The following AKAP13 variants were observed in gnomAD, a reference collection of about 807,000 sequenced individuals.
The protein encoded by AKAP13 is A-kinase anchoring protein 13.
A neutral mutation model predicts 264.5 loss-of-function variants in AKAP13; 80 were observed. That is an observed-to-expected ratio of 0.30 (90% CI 0.25 to 0.36). The LOEUF (loss-of-function observed/expected upper bound fraction) is 0.36, where lower values mean the gene tolerates loss of function less well. Ranked by LOEUF, AKAP13 falls within the 10% of genes least tolerant of loss-of-function variation. AKAP13 has a pLI of 1.00. For synonymous variants in AKAP13, 1,380 were observed against 1,250.2 expected, an observed-to-expected ratio of 1.10 and a Z score of -2.19; for missense variants, 3,712 against 3,435.2, an observed-to-expected ratio of 1.08 and a Z score of -2.01.
chr15:85,599,309 A>G (rs2079952659), intron 8 of AKAP13, among the ~76,000 whole-genome samples: 1 of 152,244 alleles, frequency 6.6e-6, no homozygotes, highest in Non-Finnish European at 1.5e-5. Context: ...ATTAGCATAT[A>G]ATATAATGTG....
chr15:85,533,508 G>A (rs2077304138), intron 3 of AKAP13, 76 bp from the exon 4 acceptor site: 2 of 1,421,410 alleles, frequency 1.4e-6, no homozygotes, highest in Non-Finnish European at 1.9e-6. Flanking sequence ...TGAAATAAGA[G>A]CTAAGAGGAT....
intron 1 of AKAP13, among the ~76,000 whole-genome samples, chr15:85,416,173 G>A (rs2150885203): frequency 6.6e-6 from 1 of 152,314 alleles, no homozygotes; most frequent in South Asian, 2.1e-4. Context: ...ATTGTACTAT[G>A]TATTTGCATA....
At chr15:85,391,687 G>C (rs2070864722) in intron 1 of AKAP13, among the ~76,000 whole-genome samples, 1 of 151,906 alleles carries the variant, frequency 6.6e-6, no homozygotes, top group Non-Finnish European at 1.5e-5. Flanking sequence ...GTTTTGCCAG[G>C]TTGTCCAGGC....
chr15:85,608,877 T>C (rs1028682910), intron 8 of AKAP13, among the ~76,000 whole-genome samples: 1 of 152,226 alleles, frequency 6.6e-6, no homozygotes, highest in Non-Finnish European at 1.5e-5. Context: ...GTACTGCCTT[T>C]CTGAATGACA....
chr15:85,454,442 C>T (rs1420796038), intron 1 of AKAP13, among the ~76,000 whole-genome samples: 1 of 152,120 alleles, frequency 6.6e-6, no homozygotes, highest in African/African-American at 2.4e-5. Context: ...CTCCGTGTTG[C>T]TCCCAGGTGC....
intron 16 of AKAP13, among the ~76,000 whole-genome samples, chr15:85,689,659 G>C (rs916520969): frequency 6.6e-6 from 1 of 152,206 alleles, no homozygotes; most frequent in Non-Finnish European, 1.5e-5. Context: ...TACAAAATGA[G>C]GAGTCTATTT....
chr15:85,399,543 T>TAAATAAAA (rs1163010352), intron 1 of AKAP13, among the ~76,000 whole-genome samples: 3 of 123,144 alleles, frequency 2.4e-5, no homozygotes, highest in African/African-American at 9.8e-5. Flanking sequence ...AAAAAATAAA[T>TAAATAAAA]AAATAAATAA....
At chr15:85,451,908 G>A (rs1276391005) in intron 1 of AKAP13, among the ~76,000 whole-genome samples, 1 of 152,146 alleles carries the variant, frequency 6.6e-6, no homozygotes, top group African/African-American at 2.4e-5. Context: ...TTGACTGTTG[G>A]CCTCTCTAGC....
intron 2 of AKAP13, among the ~76,000 whole-genome samples, chr15:85,494,771 C>T (rs1201680784): frequency 1.3e-5 from 2 of 152,122 alleles, no homozygotes; most frequent in African/African-American, 4.8e-5. Flanking sequence ...ATCTGGTGTA[C>T]AGGAGGCAGG....
At chr15:85,725,941 A>G (rs1207712743) in intron 26 of AKAP13, among the ~76,000 whole-genome samples, 3 of 152,174 alleles carry the variant, frequency 2.0e-5, no homozygotes, top group Admixed American at 1.3e-4. Context: ...AGATATTTCT[A>G]TACTTCATCT....
chr15:85,483,094 C>CT (rs1473362170), intron 1 of AKAP13, among the ~76,000 whole-genome samples: 2 of 152,224 alleles, frequency 1.3e-5, no homozygotes, highest in Non-Finnish European at 2.9e-5. Context: ...TTAGAGCCCT[C>CT]TAAGTTTGCT....
chr15:85,643,646 C>T (rs1055317801), intron 9 of AKAP13, among the ~76,000 whole-genome samples: 1 of 152,100 alleles, frequency 6.6e-6, no homozygotes, highest in African/African-American at 2.4e-5. Flanking sequence ...GTTCCAAAAC[C>T]CTTCTGGTAA....
intron 1 of AKAP13, among the ~76,000 whole-genome samples, chr15:85,392,049 C>T (rs560247841): frequency 1.3e-5 from 2 of 152,170 alleles, no homozygotes; most frequent in South Asian, 4.1e-4. Flanking sequence ...TCCCAAAGTG[C>T]TGGGATTACA....
At chr15:85,679,969 ATAACT>A (rs1265537366) in intron 14 of AKAP13, among the ~76,000 whole-genome samples, 3 of 152,246 alleles carry the variant, frequency 2.0e-5, no homozygotes, top group Non-Finnish European at 2.9e-5. Context: ...AAAGGTCATC[ATAACT>A]TAACTAAAAT....
intron 10 of AKAP13, among the ~76,000 whole-genome samples, chr15:85,653,603 A>G (rs2082966089): frequency 6.6e-6 from 1 of 152,228 alleles, no homozygotes; most frequent in Admixed American, 6.5e-5. Flanking sequence ...CTTATAGTAT[A>G]GAGATATAGA....
In AKAP13 at chr15:85,719,296, C is replaced by T; in HGVS notation, c.6222C>T (p.Ile2074=). 6.2e-7 allele frequency: 1 copy of T among 1,614,116 alleles called. No individual in the cohort carries two copies. The highest frequency in any genetic ancestry group is 1.7e-5 in the Admixed American group (1 of 60,014). Residue 2074 remains isoleucine, a synonymous_variant, in exon 23 of 37, where the codon ATC becomes ATT. Transcript: ENST00000394518. ...ATAAAAGTGAAAAGAACTTTCTCAT[C>T]AAGAGGATAGGGGATGTGCTTGTAA... is the stretch of plus-strand genomic sequence containing the variant. ...LVDKSEKNFL[I]KRIGDVLVNQ... is the part of the protein sequence containing the mutation.
At chr15:85,439,580 A>G (rs1478128306) in intron 1 of AKAP13, among the ~76,000 whole-genome samples, 7 of 145,496 alleles carry the variant, frequency 4.8e-5, no homozygotes, top group South Asian at 2.3e-4. Flanking sequence ...CAAATGTCCA[A>G]CAATGATAGA....
intron 1 of AKAP13, among the ~76,000 whole-genome samples, chr15:85,444,909 G>T (rs2073847410): frequency 6.6e-6 from 1 of 152,124 alleles, no homozygotes; most frequent in South Asian, 2.1e-4. Context: ...AATCATCATA[G>T]CTGTTTTGAA....
At position 85,719,279 on chromosome 15, in the gene AKAP13, G is replaced by C; in HGVS notation, c.6205G>C (p.Glu2069Gln). 1 of 1,614,142 alleles carries C rather than the reference G, an allele frequency of 6.2e-7. No homozygotes were observed. The highest frequency in any genetic ancestry group is 1.1e-5 in the South Asian group (1 of 91,066). ...RKKESLVDKS[E>Q]KNFLIKRIGD... ...GAAGGAGTCTCTGGTGGATAAAAGTGAAAAGAACTTTCTCATCAAGAGGAT... is the reference window on the plus strand; with the variant it reads ...GAAGGAGTCTCTGGTGGATAAAAGTCAAAAGAACTTTCTCATCAAGAGGAT... The change falls in exon 23 of 37, where the codon GAA becomes CAA. Residue 2069 changes from glutamate (E) to glutamine (Q), a missense_variant. This residue lies in a region of AKAP13 where 342 missense variants were observed against 484.3 expected (regional missense o/e 0.71). Transcript: ENST00000394518.
Sources: gnomAD v4.1 joint callset for allele counts (sites outside exome capture counted in the v4.1 genomes callset) on GRCh38, gnomAD v4.1.1 for gene constraint, gnomAD v4.1.1 regional missense constraint, MANE v1.5 for transcripts, NCBI Gene and HGNC (gene_info 2026-07-23, HGNC 2026-07-21) for gene names.